The following CWC27 variants were observed in gnomAD, a reference collection of about 807,000 sequenced individuals.
CWC27 encodes the protein spliceosome-associated protein CWC27 homolog.
A neutral mutation model predicts 63.6 loss-of-function variants in CWC27; 47 were observed. The ratio of observed to expected loss-of-function variants is 0.74; its 90% CI spans 0.58 to 0.94. The LOEUF (loss-of-function observed/expected upper bound fraction) is 0.94, where lower values mean the gene tolerates loss of function less well. CWC27 is among the 40% of genes least tolerant of loss of function. The pLI is 0.00. For missense variants in CWC27, 495 were observed against 554.3 expected, an observed-to-expected ratio of 0.89 and a Z score of 1.07; for synonymous variants, 175 against 179.8, an observed-to-expected ratio of 0.97 and a Z score of 0.22.
intron 1 of CWC27, among the ~76,000 whole-genome samples, chr5:64,772,624 CAAAAAAAAAAAAAAAA>C (rs58675990): frequency 1.9e-5 from 1 of 52,144 alleles, no homozygotes; most frequent in Non-Finnish European, 3.8e-5. Context: ...GACTCTGTCT[CAAAAAAAAAAAAAAAA>C]AAAAAAAAAA....
rs746957963 is a variant in CWC27, at chr5:64,977,161, A to G, written c.1179A>G (p.Lys393=). The G allele has an allele frequency of 1.1e-5, 17 of 1,611,864 alleles. No homozygotes were observed. In the Admixed American group the frequency reaches 2.3e-4, roughly 22 times the overall value. The change falls in exon 13 of 14, where the codon AAA becomes AAG. Residue 393 remains lysine (K), a synonymous_variant. Transcript: ENST00000381070. The stretch of plus-strand genomic sequence containing the variant: ...CCCTTGCACTGCTGAACCAGTTTAA[A>G]TCTAAACTCACTCAAGCAATTGCTG... The part of the protein sequence containing the change: ...DQTLALLNQF[K]SKLTQAIAET...
At chr5:64,898,527 G>C (rs1241925915) in intron 11 of CWC27, among the ~76,000 whole-genome samples, 1 of 152,084 alleles carries the variant, frequency 6.6e-6, no homozygotes, top group African/African-American at 2.4e-5. Context: ...TTTGTCACTT[G>C]TTTTTTCCCA....
chr5:64,978,951 T>G (rs1445224641), intron 13 of CWC27, among the ~76,000 whole-genome samples: 1 of 152,194 alleles, frequency 6.6e-6, no homozygotes, highest in East Asian at 1.9e-4. Flanking sequence ...CAAATTTACT[T>G]TCAACTTGGC....
intron 11 of CWC27, among the ~76,000 whole-genome samples, chr5:64,907,795 G>T (rs562657565): frequency 1.2e-4 from 19 of 152,118 alleles, no homozygotes; most frequent in Non-Finnish European, 2.4e-4. Flanking sequence ...CTGGCTGTGG[G>T]TTTGTCATAG....
intron 10 of CWC27, chr5:64,884,250 G>C (rs1263067850): frequency 6.6e-6 from 1 of 152,108 alleles, no homozygotes. Context: ...ATATGTGCAA[G>C]CTTAGTAGAA....
intron 10 of CWC27, among the ~76,000 whole-genome samples, chr5:64,840,058 C>T (rs1745761380): frequency 6.6e-6 from 1 of 152,052 alleles, no homozygotes; most frequent in African/African-American, 2.4e-5. Flanking sequence ...CTGCCAGGGA[C>T]ATAGCCCTTC....
chr5:65,018,190 A>G lies in CWC27; in HGVS notation c.1288A>G (p.Ser430Gly). 6.2e-7 allele frequency: 1 copy of G among 1,605,294 alleles called. No individual in the cohort carries two copies. The change falls in exon 14 of 14, where the codon AGC becomes GGC. Residue 430 changes from serine to glycine, a missense_variant. Physicochemically the swap from Ser to Gly is moderately conservative, Grantham distance 56 (BLOSUM62 0). Coordinates refer to ENST00000381070, the MANE Select transcript of CWC27 (RefSeq NM_005869.4). ...ACATGTACTTCAGTTTGAGGATAAA[A>G]GCAGAAAAGTGAAAGATGCAAGCAT... ...MSHVLQFEDK[S>G]RKVKDASMQD...
intron 11 of CWC27, among the ~76,000 whole-genome samples, chr5:64,963,539 T>C (rs945522540): frequency 6.6e-6 from 1 of 152,198 alleles, no homozygotes; most frequent in African/African-American, 2.4e-5. Context: ...GATCATACTG[T>C]AAATAGAAGT....
chr5:64,857,277 A>G (rs1404156180), intron 10 of CWC27, among the ~76,000 whole-genome samples: 1 of 152,210 alleles, frequency 6.6e-6, no homozygotes. Flanking sequence ...CTAAAAGAAG[A>G]CAAAGACAGA....
intron 11 of CWC27, among the ~76,000 whole-genome samples, chr5:64,908,106 A>G (rs973240990): frequency 3.9e-5 from 6 of 152,156 alleles, no homozygotes; most frequent in African/African-American, 1.2e-4. Flanking sequence ...ATTGGTTTCA[A>G]AGAACATCTT....
At chr5:64,975,099 ATG>A (rs943480462) in intron 12 of CWC27, among the ~76,000 whole-genome samples, 1 of 152,216 alleles carries the variant, frequency 6.6e-6, no homozygotes, top group African/African-American at 2.4e-5. Flanking sequence ...AGCTATGATA[ATG>A]TGTGTATTTT....
At chr5:64,802,779 A>T (rs1744532664) in intron 9 of CWC27, among the ~76,000 whole-genome samples, 1 of 152,182 alleles carries the variant, frequency 6.6e-6, no homozygotes, top group Non-Finnish European at 1.5e-5. Context: ...AATTTTATAC[A>T]TTTCAAGATT....
At chr5:65,010,265 G>A (rs150028336) in intron 13 of CWC27, among the ~76,000 whole-genome samples, 109 of 152,210 alleles carry the variant, frequency 7.2e-4, no homozygotes, top group Admixed American at 3.0e-3. Flanking sequence ...AAGTGATGTG[G>A]ACAAAAGTAT....
At chr5:64,800,205 T>C (rs1429820713) in intron 7 of CWC27, 43 bp from the exon 8 acceptor site, 2 of 1,280,794 alleles carry the variant, frequency 1.6e-6, no homozygotes, top group African/African-American at 1.6e-5. Context: ...TTAGGAATAC[T>C]GTTTATTTCC....
chr5:64,981,745 A>T lies in CWC27; in HGVS notation c.1256+4507A>T, dbSNP rs570053118. Among the ~76,000 whole-genome samples, 42 of 152,350 alleles carry T rather than the reference A, an allele frequency of 2.8e-4. 1 individual carries two copies. The South Asian group carries it at 8.5e-3, about 31-fold the overall frequency. On this transcript the variant is annotated intron_variant, in intron 13 of 13. Coordinates refer to ENST00000381070, the MANE Select transcript of CWC27 (RefSeq NM_005869.4). Reference sequence around the variant, plus strand: ...TGAAAGAGATTAATGTTTTAGAAGAAATGCTTTGCCTTCTTAAATTTTTTA... The same window carrying T: ...TGAAAGAGATTAATGTTTTAGAAGATATGCTTTGCCTTCTTAAATTTTTTA...
intron 10 of CWC27, among the ~76,000 whole-genome samples, chr5:64,849,320 A>G (rs1746071900): frequency 6.6e-6 from 1 of 152,200 alleles, no homozygotes; most frequent in South Asian, 2.1e-4. Context: ...GAAATTAAAG[A>G]AGACAAAGAA....
rs1744582036 is a variant in CWC27, at chr5:64,804,246, T to C, written c.798T>C (p.Ser266=). ...TTCTACAGGATGGAGAAGATGAAAG[T>C]GCAGAGCATGATGAATATATTGATG... ...PDLVDDGEDE[S]AEHDEYIDGD... Residue 266 remains serine, a synonymous_variant, in exon 10 of 14, where the codon AGT becomes AGC. Transcript: ENST00000381070. 3.7e-6 allele frequency: 6 copies of C among 1,609,028 alleles called. No homozygotes were observed. The highest frequency in any genetic ancestry group is 1.3e-5 in the African/African-American group (1 of 74,590).
chr5:65,015,179 G>A (rs1399129685), intron 13 of CWC27, among the ~76,000 whole-genome samples: 3 of 152,062 alleles, frequency 2.0e-5, no homozygotes. Flanking sequence ...AAATCCAATA[G>A]TTGCAAGATT....
At chr5:64,808,840 C>A (rs1744778885) in intron 10 of CWC27, among the ~76,000 whole-genome samples, 1 of 152,162 alleles carries the variant, frequency 6.6e-6, no homozygotes, top group African/African-American at 2.4e-5. Flanking sequence ...TTGAAAAATA[C>A]TAATTCGTAG....
Sources: allele counts gnomAD v4.1 joint callset (sites outside exome capture counted in the v4.1 genomes callset), GRCh38; gene constraint gnomAD v4.1.1; transcripts MANE v1.5; gene names NCBI Gene and HGNC (gene_info 2026-07-23, HGNC 2026-07-21).